The following SPMIP11 variants were observed in gnomAD, a reference collection of about 807,000 sequenced individuals.
SPMIP11 encodes the protein long intergenic non-protein coding RNA 935.
the SPMIP11 span, chr12:48,759,455 G>C: frequency 3.4e-6 from 2 of 596,682 alleles, no homozygotes; most frequent in East Asian, 5.9e-5. Context: ...TTGGGAGGCC[G>C]AGGCAGGCGG....
the SPMIP11 span, chr12:48,768,812 C>A: frequency 1.3e-6 from 2 of 1,557,314 alleles, no homozygotes; most frequent in Admixed American, 1.8e-5. Context: ...CTCCCTTCCC[C>A]CAGTCCCTGC....
chr12:48,742,231 T>C, the SPMIP11 span, among the ~76,000 whole-genome samples: 1 of 152,048 alleles, frequency 6.6e-6, no homozygotes, highest in East Asian at 1.9e-4. Context: ...TGACCCACCT[T>C]TTCTGAGTTT....
the SPMIP11 span, chr12:48,770,739 A>AC: frequency 6.2e-7 from 1 of 1,607,046 alleles, no homozygotes; most frequent in African/African-American, 1.3e-5. Context: ...TCCTGGGAAA[A>AC]CCCGCCAAGC....
At chr12:48,770,949 G>A in the SPMIP11 span, 43 of 1,613,958 alleles carry the variant, frequency 2.7e-5, no homozygotes, top group Middle Eastern at 1.6e-4. Flanking sequence ...TCCAGCTGCC[G>A]GAACCGCTCC....
At chr12:48,727,656 G>A in the SPMIP11 span, 1 of 655,150 alleles carries the variant, frequency 1.5e-6, no homozygotes, top group Non-Finnish European at 2.8e-6. Flanking sequence ...CCTGGGGTTA[G>A]AGATTTATCC....
At chr12:48,767,882 G>A in the SPMIP11 span, 1 of 153,374 alleles carries the variant, frequency 6.5e-6, no homozygotes, top group South Asian at 2.1e-4. Context: ...AGTGAGGCCA[G>A]ACACCCCGTT....
At chr12:48,766,057 C>A in the SPMIP11 span, 1 of 165,244 alleles carries the variant, frequency 6.1e-6, no homozygotes. Flanking sequence ...TTCTCCTTAG[C>A]AGGGAGAAAG....
chr12:48,752,325 A>C, the SPMIP11 span, among the ~76,000 whole-genome samples: 1 of 152,182 alleles, frequency 6.6e-6, no homozygotes, highest in African/African-American at 2.4e-5. Context: ...AGATTCCTTG[A>C]GGTACAAAAA....
the SPMIP11 span, among the ~76,000 whole-genome samples, chr12:48,753,022 G>A: frequency 6.6e-6 from 1 of 151,952 alleles, no homozygotes; most frequent in Admixed American, 6.6e-5. Flanking sequence ...GTCCAGGAGG[G>A]CCCTGTTCTT....
chr12:48,760,846 G>A, the SPMIP11 span, among the ~76,000 whole-genome samples: 1 of 152,226 alleles, frequency 6.6e-6, no homozygotes, highest in African/African-American at 2.4e-5. Flanking sequence ...TTTAAAGGCA[G>A]GATGTTGGGG....
the SPMIP11 span, chr12:48,767,900 G>A: frequency 1.6e-4 from 24 of 153,636 alleles, no homozygotes; most frequent in African/African-American, 5.8e-4. Flanking sequence ...GTTCCCTGGA[G>A]CGTGCAGGAA....
At chr12:48,742,146 C>T in the SPMIP11 span, among the ~76,000 whole-genome samples, 1 of 152,122 alleles carries the variant, frequency 6.6e-6, no homozygotes, top group Non-Finnish European at 1.5e-5. Flanking sequence ...AGCCCCTGGC[C>T]TCAAGCAATC....
the SPMIP11 span, among the ~76,000 whole-genome samples, chr12:48,748,017 T>C: frequency 3.3e-5 from 5 of 152,158 alleles, no homozygotes; most frequent in East Asian, 1.9e-4. Context: ...CATATTCCCC[T>C]AGTCACTCTC....
the SPMIP11 span, among the ~76,000 whole-genome samples, chr12:48,747,098 C>T: frequency 7.2e-5 from 11 of 152,156 alleles, no homozygotes; most frequent in African/African-American, 9.6e-5. Flanking sequence ...TTGAAAGTGC[C>T]GTAATGAGGA....
chr12:48,732,190 G>A, the SPMIP11 span, among the ~76,000 whole-genome samples: 1 of 151,188 alleles, frequency 6.6e-6, no homozygotes, highest in Non-Finnish European at 1.5e-5. Flanking sequence ...CCCCATTGGA[G>A]TTATTGTTGA....
the SPMIP11 span, among the ~76,000 whole-genome samples, chr12:48,758,705 T>C: frequency 1.3e-5 from 2 of 152,176 alleles, no homozygotes; most frequent in African/African-American, 4.8e-5. Context: ...CACTCGAGGC[T>C]CCAAATCAAA....
At chr12:48,759,725 GA>G in the SPMIP11 span, among the ~76,000 whole-genome samples, 1 of 148,310 alleles carries the variant, frequency 6.7e-6, no homozygotes, top group Non-Finnish European at 1.5e-5. Context: ...CAGGCAGGAA[GA>G]AAAAAAAAGA....
chr12:48,760,126 G>A, the SPMIP11 span, among the ~76,000 whole-genome samples: 1 of 151,826 alleles, frequency 6.6e-6, no homozygotes, highest in Non-Finnish European at 1.5e-5. Flanking sequence ...AGACTTGGAA[G>A]CAGAAGATGT....
the SPMIP11 span, chr12:48,736,144 C>G: frequency 2.2e-6 from 1 of 446,132 alleles, no homozygotes; most frequent in South Asian, 1.6e-5. Flanking sequence ...TAGCTCACGC[C>G]TGTAATCCCA....
Sources: allele counts gnomAD v4.1 joint callset (sites outside exome capture counted in the v4.1 genomes callset), GRCh38; gene constraint gnomAD v4.1.1; transcripts MANE v1.5; gene names NCBI Gene and HGNC (gene_info 2026-07-23, HGNC 2026-07-21).